Variants in BICC1 observed in about 807,000 individuals in gnomAD.
BICC1 encodes the protein protein bicaudal C homolog 1.
In BICC1, 43 loss-of-function variants were observed where a neutral mutation model predicts 111.0. The observed-to-expected ratio is 0.39, with a 90% CI of 0.30 to 0.50. The LOEUF is 0.50. BICC1 is among the 20% of genes least tolerant of loss of function. The pLI is 0.88. For synonymous variants in BICC1, 467 were observed against 434.4 expected (o/e 1.07, Z -0.93); for missense variants, 1,091 against 1,203.2 (o/e 0.91, Z 1.38).
At chr10:58,801,594 CT>C (rs11292094) in intron 14 of BICC1, among the ~76,000 whole-genome samples, 113,950 of 150,264 alleles carry the variant, frequency 0.76, 43,269 homozygotes, top group African/African-American at 0.81. Context: ...CATCCTTACT[CT>C]TTTTTTTTTT....
In BICC1 at chr10:58,817,736, T is replaced by G. The variant is rs370536786; in HGVS notation, c.2694+14T>G. The G allele has an allele frequency of 1.7e-4, 266 of 1,592,546 alleles. No individual in the cohort carries two copies. The highest frequency in any genetic ancestry group is 2.0e-4 in the Non-Finnish European group (235 of 1,169,220). On this transcript the variant is annotated intron_variant, in intron 19 of 20. Coordinates refer to ENST00000373886, the MANE Select transcript of BICC1 (RefSeq NM_001080512.3). ...CAGCAACAAGAGGTCAGTCATTATT[T>G]ATTTTCCCAAGTATCTTTGTTTTGA...
chr10:58,557,845 T>A (rs780889934), intron 1 of BICC1, among the ~76,000 whole-genome samples: 1 of 152,160 alleles, frequency 6.6e-6, no homozygotes, highest in Admixed American at 6.6e-5. Context: ...TTTCTTCTCA[T>A]GGCCTGTATT....
intron 3 of BICC1, among the ~76,000 whole-genome samples, chr10:58,726,898 CTGT>C (rs545841879): frequency 4.2e-4 from 64 of 152,278 alleles, no homozygotes; most frequent in African/African-American, 1.2e-3. Context: ...GACGTATAGA[CTGT>C]TGTTGTACAA....
At chr10:58,686,216 G>C (rs560993067) in intron 2 of BICC1, among the ~76,000 whole-genome samples, 2 of 152,330 alleles carry the variant, frequency 1.3e-5, no homozygotes, top group South Asian at 4.1e-4. Context: ...GGCTTGTAGA[G>C]TTTCTGCCGA....
At chr10:58,524,353 T>C (rs1328025397) in intron 1 of BICC1, among the ~76,000 whole-genome samples, 1 of 152,056 alleles carries the variant, frequency 6.6e-6, no homozygotes, top group African/African-American at 2.4e-5. Context: ...AAAACAGAGA[T>C]ATAGATCAAT....
At chr10:58,682,242 C>A (rs1231548707) in intron 2 of BICC1, among the ~76,000 whole-genome samples, 2 of 152,110 alleles carry the variant, frequency 1.3e-5, no homozygotes, top group Admixed American at 6.5e-5. Context: ...GTATATGTGC[C>A]ACATTTTCTT....
At chr10:58,644,592 T>C (rs1246833618) in intron 2 of BICC1, among the ~76,000 whole-genome samples, 2 of 152,184 alleles carry the variant, frequency 1.3e-5, no homozygotes, top group African/African-American at 4.8e-5. Flanking sequence ...CTCCATGGAA[T>C]TGTACATCTA....
chr10:58,527,295 A>G (rs1427130183), intron 1 of BICC1, among the ~76,000 whole-genome samples: 2 of 151,970 alleles, frequency 1.3e-5, no homozygotes, highest in Non-Finnish European at 2.9e-5. Context: ...AAATTTGTTT[A>G]AGTTCTTTGT....
intron 2 of BICC1, among the ~76,000 whole-genome samples, 165 bp from the exon 3 acceptor site, chr10:58,701,909 T>G (rs904443431): frequency 1.3e-5 from 2 of 152,110 alleles, no homozygotes; most frequent in African/African-American, 4.8e-5. Context: ...AAAACATCTC[T>G]TTTCCCCCCA....
At chr10:58,784,451 G>T (rs1432594060) in intron 3 of BICC1, among the ~76,000 whole-genome samples, 2 of 152,148 alleles carry the variant, frequency 1.3e-5, no homozygotes, top group Non-Finnish European at 2.9e-5. Context: ...TCACTGTGGT[G>T]ATGTCTTTTA....
chr10:58,806,178 C>T (rs1843702696), intron 15 of BICC1, among the ~76,000 whole-genome samples: 1 of 152,008 alleles, frequency 6.6e-6, no homozygotes, highest in Non-Finnish European at 1.5e-5. Context: ...TTTTTGAGAC[C>T]CTAAGGGGGC....
chr10:58,544,382 A>G (rs1488853970), intron 1 of BICC1, among the ~76,000 whole-genome samples: 1 of 152,190 alleles, frequency 6.6e-6, no homozygotes, highest in African/African-American at 2.4e-5. Flanking sequence ...TTTTAAAAGT[A>G]GACTGTCATG....
intron 1 of BICC1, among the ~76,000 whole-genome samples, chr10:58,533,957 T>C (rs114181967): frequency 0.02 from 3,024 of 151,766 alleles, 85 homozygotes; most frequent in African/African-American, 0.056. Flanking sequence ...TTGATTAAAT[T>C]CCCCAGTCAA....
chr10:58,642,136 T>A (rs1384739871), intron 2 of BICC1, among the ~76,000 whole-genome samples: 2 of 152,212 alleles, frequency 1.3e-5, no homozygotes, highest in African/African-American at 4.8e-5. Flanking sequence ...AGCTGGCATT[T>A]AGAATTATTA....
intron 2 of BICC1, among the ~76,000 whole-genome samples, chr10:58,699,857 A>C (rs917219405): frequency 6.6e-6 from 1 of 151,976 alleles, no homozygotes; most frequent in African/African-American, 2.4e-5. Flanking sequence ...ACATTCAGCT[A>C]ATTTTTGTAT....
chr10:58,659,933 A>G (rs1209876844), intron 2 of BICC1, among the ~76,000 whole-genome samples: 1 of 152,206 alleles, frequency 6.6e-6, no homozygotes, highest in Admixed American at 6.5e-5. Flanking sequence ...GACATGTAGT[A>G]TTATATTGTG....
intron 1 of BICC1, among the ~76,000 whole-genome samples, chr10:58,550,468 AAAT>A (rs1239501205): frequency 6.6e-6 from 1 of 152,172 alleles, no homozygotes; most frequent in Non-Finnish European, 1.5e-5. Flanking sequence ...CTTCTTTCAT[AAAT>A]AATGTTTTTT....
At chr10:58,766,094 C>T (rs554281897) in intron 3 of BICC1, among the ~76,000 whole-genome samples, 1 of 152,190 alleles carries the variant, frequency 6.6e-6, no homozygotes, top group Admixed American at 6.5e-5. Flanking sequence ...CCTGAAGCTG[C>T]CTCCTGCTGA....
intron 3 of BICC1, among the ~76,000 whole-genome samples, chr10:58,709,618 A>G (rs888992234): frequency 3.3e-5 from 5 of 152,238 alleles, no homozygotes; most frequent in Non-Finnish European, 5.9e-5. Context: ...ACTAATACAG[A>G]TGGGAATGTA....
Sources: gnomAD v4.1 joint callset for allele counts (sites outside exome capture counted in the v4.1 genomes callset) on GRCh38, gnomAD v4.1.1 for gene constraint, MANE v1.5 for transcripts, NCBI Gene and HGNC (gene_info 2026-07-23, HGNC 2026-07-21) for gene names.